PKLR: variants seen among roughly 807,000 people sequenced by gnomAD.
PKLR encodes the protein pyruvate kinase PKLR.
In PKLR, 38 loss-of-function variants were observed where a neutral mutation model predicts 53.6. The ratio of observed to expected loss-of-function variants is 0.71; its 90% CI spans 0.55 to 0.93. The LOEUF is 0.93. PKLR is among the 40% of genes least tolerant of loss of function. PKLR has a pLI of 0.00. For missense variants in PKLR, 702 were observed against 787.3 expected, an observed-to-expected ratio of 0.89 and a Z score of 1.30; for synonymous variants, 328 against 316.2, an observed-to-expected ratio of 1.04 and a Z score of -0.39.
chr1:155,308,039 C>T, the PKLR span, among the ~76,000 whole-genome samples: 8 of 149,362 alleles, frequency 5.4e-5, no homozygotes, highest in Non-Finnish European at 8.9e-5. Flanking sequence ...GCTGGAATTA[C>T]AAGTGTGAGA....
At chr1:155,306,931 C>T in the PKLR span, among the ~76,000 whole-genome samples, 4 of 152,024 alleles carry the variant, frequency 2.6e-5, no homozygotes, top group African/African-American at 7.3e-5. The surrounding 1 kb of genome is among the most constrained non-coding windows in gnomAD (Gnocchi z 4.2). Flanking sequence ...CTGTTAAGGC[C>T]GCGCATCTGG....
At chr1:155,302,491 C>G (rs1276575854), upstream of PKLR, among the ~76,000 whole-genome samples, 4 of 152,044 alleles carry the variant, frequency 2.6e-5, no homozygotes, top group African/African-American at 9.7e-5. Flanking sequence ...CCCGCCACAG[C>G]TTCCCAAAGT....
the PKLR span, chr1:155,308,582 G>A: frequency 1.0e-6 from 1 of 985,432 alleles, no homozygotes; most frequent in Non-Finnish European, 1.2e-6. Context: ...GGAAGATAAT[G>A]AAAACTTGAG....
At position 155,295,172 on chromosome 1, in the gene PKLR, A is replaced by G. The variant is rs200979497; in HGVS notation, c.638T>C (p.Val213Ala). ...GTCGTCAATGTAGATGCGGCCCCCC[A>G]CCGGCACGACCCGGACAATATTGGG... is the stretch of plus-strand genomic sequence containing the variant. ...DYPNIVRVVP[V>A]GGRIYIDDGL... The change falls in exon 5 of 11, where the codon GTG becomes GCG. Residue 213 changes from valine (V) to alanine (A), a missense_variant. By Grantham distance (64) the Val-to-Ala change is moderately conservative (BLOSUM62 0). Coordinates refer to ENST00000342741, the MANE Select transcript of PKLR (RefSeq NM_000298.6). This position sits in a 1 kb window ranked among gnomAD's most constrained non-coding sequence, Gnocchi z 4.3. 36 of 1,614,066 alleles carry G rather than the reference A, an allele frequency of 2.2e-5. 1 individual carries two copies. In the East Asian group the frequency reaches 3.6e-4, roughly 16 times the overall value.
chr1:155,293,495 C>T lies in PKLR; in HGVS notation c.1212G>A (p.Leu404=). 1 of 1,614,274 alleles carries T rather than the reference C, an allele frequency of 6.2e-7. No homozygotes were observed. The highest frequency in any genetic ancestry group is 8.5e-7 in the Non-Finnish European group (1 of 1,180,042). The change falls in exon 8 of 11, where the codon CTG becomes CTA. Residue 404 remains leucine, a synonymous_variant. Coordinates refer to ENST00000342741, the MANE Select transcript of PKLR (RefSeq NM_000298.6). This position sits in a 1 kb window ranked among gnomAD's most constrained non-coding sequence, Gnocchi z 4.2. ...AGTTGCCCTTGGCAGTCTCCCCTGACAGCATGATGCAGTCAGCCCCATCCA... is the reference window on the plus strand; with the variant it reads ...AGTTGCCCTTGGCAGTCTCCCCTGATAGCATGATGCAGTCAGCCCCATCCA... ...AVLDGADCIM[L]SGETAKGNFP...
chr1:155,300,780 A>G, intron 1 of PKLR: 1 of 1,389,238 alleles, frequency 7.2e-7, no homozygotes, highest in Non-Finnish European at 1.0e-6. Context: ...TCCCCACCCC[A>G]TCCTCTGAGT....
chr1:155,300,068 G>T, intron 2 of PKLR, 30 bp downstream of exon 2: 10 of 1,602,602 alleles, frequency 6.2e-6, no homozygotes, highest in Non-Finnish European at 7.7e-6. Context: ...AATAGGCCCT[G>T]TGTGGCTGCA....
In PKLR at chr1:155,294,750, G is replaced by T. The variant is rs1386589533; in HGVS notation, c.697C>A (p.Pro233Thr). Residue 233 changes from proline (P) to threonine (T), a missense_variant and splice_region_variant, in exon 6 of 11, where the codon CCA (proline) becomes ACA (threonine). Physicochemically the swap from Pro to Thr is conservative, Grantham distance 38. Coordinates refer to ENST00000342741, the MANE Select transcript of PKLR (RefSeq NM_000298.6). ...TCCACTTGGGTCACCAGTCCCTCTG[G>T]GCCTGCGGACATGGAAAGAGCCAGC... ...LISLVVQKIGPEGLVTQVENG... is the reference protein window; with the variant it reads ...LISLVVQKIGTEGLVTQVENG... 6.2e-7 allele frequency: 1 copy of T among 1,613,822 alleles called. No individual in the cohort carries two copies. Among genetic ancestry groups the T allele is most frequent in the South Asian group, 1.1e-5 (1 of 91,074 alleles).
intron 10 of PKLR, among the ~76,000 whole-genome samples, chr1:155,291,503 A>G (rs1674542413): frequency 6.6e-6 from 1 of 152,150 alleles, no homozygotes; most frequent in Non-Finnish European, 1.5e-5. Context: ...TCAAAAAAAA[A>G]AAAAGGTGCA....
chr1:155,305,929 G>A (rs959770745), upstream of PKLR, among the ~76,000 whole-genome samples: 3 of 151,778 alleles, frequency 2.0e-5, no homozygotes, highest in African/African-American at 7.3e-5. Context: ...ACAGGCATGA[G>A]CCACCACGCC....
At position 155,293,489 on chromosome 1, in the gene PKLR, C is replaced by G. The variant is rs1451455735; in HGVS notation, c.1218G>C (p.Gly406=). The change falls in exon 8 of 11, where the codon GGG becomes GGC. Residue 406 remains glycine, a synonymous_variant. Transcript: ENST00000342741. This position sits in a 1 kb window ranked among gnomAD's most constrained non-coding sequence, Gnocchi z 4.2. ...LDGADCIMLS[G]ETAKGNFPVE... ...CAGGGAAGTTGCCCTTGGCAGTCTC[C>G]CCTGACAGCATGATGCAGTCAGCCC... The G allele has an allele frequency of 6.2e-7, 1 of 1,614,246 alleles. No homozygotes were observed. Among genetic ancestry groups the G allele is most frequent in the Admixed American group, 1.7e-5 (1 of 60,034 alleles).
At chr1:155,294,177 C>G in intron 7 of PKLR, 58 bp downstream of exon 7, 1 of 1,515,884 alleles carries the variant, frequency 6.6e-7, no homozygotes, top group Non-Finnish European at 9.2e-7. Context: ...TGTGGGTATT[C>G]ACCCACAGGT....
chr1:155,301,336 T>C lies in PKLR; in HGVS notation c.60A>G (p.Gln20=). Residue 20 remains glutamine, a synonymous_variant, in exon 1 of 11, where the codon CAA becomes CAG. Transcript: ENST00000342741. ...LQLRSWVSKS[Q]RDLAKSILIG... is the part of the protein sequence containing the mutation. ...TCAGGATGGACTTTGCTAAGTCTCT[T>C]TGGGACTTAGAGACCCATGACCGAA... 1 of 1,613,794 alleles carries C rather than the reference T, an allele frequency of 6.2e-7. No individual in the cohort carries two copies. The highest frequency in any genetic ancestry group is 8.5e-7 in the Non-Finnish European group (1 of 1,179,700).
At chr1:155,307,762 AG>A in the PKLR span, among the ~76,000 whole-genome samples, 2 of 152,128 alleles carry the variant, frequency 1.3e-5, no homozygotes, top group African/African-American at 4.8e-5. Flanking sequence ...GGATCACTTG[AG>A]GTCAGGAGTT....
chr1:155,303,107 A>G (rs2148222780), upstream of PKLR, among the ~76,000 whole-genome samples: 3 of 152,350 alleles, frequency 2.0e-5, no homozygotes, highest in South Asian at 6.2e-4. Flanking sequence ...CCTTTGTCCC[A>G]TTGTCCACAG....
Position 155,295,132 on chromosome 1 carries a change from T to TAGGG in PKLR, c.674_677dup (p.Val227ProfsTer90). On this transcript the variant is annotated frameshift_variant, in exon 5 of 11. Coordinates refer to ENST00000342741, the MANE Select transcript of PKLR (RefSeq NM_000298.6). LOFTEE classifies it high-confidence loss of function. The surrounding 1 kb of genome is among the most constrained non-coding windows in gnomAD (Gnocchi z 4.3). The stretch of plus-strand genomic sequence containing the variant: ...CGTCCGCACCGATTTTCTGGACCAC[T>TAGGG]AGGGAGATGAGCCCGTCGTCAATGT... 6.2e-7 allele frequency: 1 copy of TAGGG among 1,614,026 alleles called. No individual in the cohort carries two copies. The highest frequency in any genetic ancestry group is 2.2e-5 in the East Asian group (1 of 44,870).
chr1:155,295,286 ACTTCCGACT>A lies in PKLR; in HGVS notation c.515_523del (p.Glu172_Glu174del). On this transcript the variant is annotated inframe_deletion, in exon 5 of 11. Transcript: ENST00000342741. This position sits in a 1 kb window ranked among gnomAD's most constrained non-coding sequence, Gnocchi z 4.3. ...CACCTGGGAGCCCTTCACCAGCTCC[ACTTCCGACT>A]CTGGACCCTAAGGAGGGAGCCAGAG... 1 of 1,614,040 alleles carries A rather than the reference ACTTCCGACT, an allele frequency of 6.2e-7. No individual in the cohort carries two copies.
intron 10 of PKLR, among the ~76,000 whole-genome samples, chr1:155,291,378 C>A (rs1272373045): frequency 6.6e-6 from 1 of 151,926 alleles, no homozygotes; most frequent in African/African-American, 2.4e-5. Flanking sequence ...TGCCTGTAGT[C>A]CCAGCTACTC....
rs200039500 is a variant in PKLR, at chr1:155,294,470, C to T, written c.965+12G>A. The T allele has an allele frequency of 4.1e-4, 655 of 1,614,102 alleles. 1 individual carries two copies. The highest frequency in any genetic ancestry group is 5.3e-4 in the Non-Finnish European group (622 of 1,180,048). On this transcript the variant is annotated intron_variant, in intron 6 of 10. Transcript: ENST00000342741. ...GCGACAGGGCCGAAGGGGAACAGAG[C>T]CCAAGCCTCACCTCTTCACGCCTTC...
Sources: allele counts gnomAD v4.1 joint callset (sites outside exome capture counted in the v4.1 genomes callset), GRCh38; gene constraint gnomAD v4.1.1; non-coding constraint Gnocchi (gnomAD v3.1); transcripts MANE v1.5; gene names NCBI Gene and HGNC (gene_info 2026-07-23, HGNC 2026-07-21).